USP31: variants seen among roughly 807,000 people sequenced by gnomAD.
USP31 encodes the protein ubiquitin specific peptidase 31.
USP31 carries 44 observed loss-of-function variants against 119.4 expected under a neutral mutation model. That is an observed-to-expected ratio of 0.37 (90% CI 0.29 to 0.47). USP31 has a LOEUF of 0.47. Among genes scored for constraint, USP31 ranks in the 20% least tolerant of loss-of-function variants. The pLI is 0.99. For synonymous variants in USP31, 749 were observed against 705.6 expected, an observed-to-expected ratio of 1.06 and a Z score of -0.97; for missense variants, 1,643 against 1,730.2, an observed-to-expected ratio of 0.95 and a Z score of 0.89.
intron 6 of USP31, among the ~76,000 whole-genome samples, chr16:23,091,022 A>G (rs1901340541): frequency 6.6e-6 from 1 of 152,220 alleles, no homozygotes; most frequent in Non-Finnish European, 1.5e-5. Flanking sequence ...AGCCTTACCT[A>G]TCTTAAAAAC....
chr16:23,068,218 TTG>T lies in USP31; in HGVS notation c.3885_3886del (p.Lys1296GlyfsTer44). 6.2e-7 allele frequency: 1 copy of T among 1,614,176 alleles called. No homozygotes were observed. Among genetic ancestry groups the T allele is most frequent in the Non-Finnish European group, 8.5e-7 (1 of 1,180,028 alleles). On this transcript the variant is annotated frameshift_variant, in exon 16 of 16. Coordinates refer to ENST00000219689, the MANE Select transcript of USP31 (RefSeq NM_020718.4). LOFTEE classifies it high-confidence loss of function. The stretch of plus-strand genomic sequence containing the variant: ...GGAATGTTTGGCAGAAGCAGGGTCC[TTG>T]GTGACAAGCTGCTCTTTTCCCGTTG...
In USP31 at chr16:23,111,144, A is replaced by T. The variant is rs545756434; in HGVS notation, c.634-2961T>A. On this transcript the variant is annotated intron_variant, in intron 1 of 15. Transcript: ENST00000219689. ...CTCCGTCTCAAAAATAAATAAATAA[A>T]TAATTAATTAAATAAAAATAAAAAA... Among the ~76,000 whole-genome samples the T allele has an allele frequency of 1.4e-3, 217 of 152,164 alleles. 1 individual carries two copies. Among genetic ancestry groups the T allele is most frequent in the Admixed American group, 4.5e-3 (68 of 15,276 alleles).
chr16:23,124,519 G>A (rs145518802), intron 1 of USP31, among the ~76,000 whole-genome samples: 176 of 152,278 alleles, frequency 1.2e-3, no homozygotes, highest in Admixed American at 4.4e-3. Flanking sequence ...ACTCGTCAGT[G>A]AGTCATCCAG....
intron 1 of USP31, among the ~76,000 whole-genome samples, chr16:23,137,928 G>A (rs1903242787): frequency 6.6e-6 from 1 of 152,128 alleles, no homozygotes; most frequent in African/African-American, 2.4e-5. Flanking sequence ...TGTAAAAAAT[G>A]TTTTACAAGT....
intron 1 of USP31, among the ~76,000 whole-genome samples, chr16:23,140,274 G>A (rs1903315977): frequency 6.6e-6 from 1 of 152,112 alleles, no homozygotes; most frequent in African/African-American, 2.4e-5. Flanking sequence ...TTCCAAATCA[G>A]TGGTTCTCAA....
intron 1 of USP31, among the ~76,000 whole-genome samples, chr16:23,132,875 G>A (rs1401817600): frequency 1.3e-5 from 2 of 151,984 alleles, no homozygotes; most frequent in East Asian, 1.9e-4. Flanking sequence ...AAACCTCTAC[G>A]TTATTTTCAT....
In USP31 at chr16:23,096,162, T is replaced by C. The variant is rs1038669666; in HGVS notation, c.1235-5358A>G. 4.7e-5 allele frequency among the ~76,000 whole-genome samples: 7 copies of C among 150,216 alleles called. 1 individual carries two copies. The highest frequency in any genetic ancestry group is 3.2e-3 in the Middle Eastern group (1 of 316). On this transcript the variant is annotated intron_variant, in intron 6 of 15. Coordinates refer to ENST00000219689, the MANE Select transcript of USP31 (RefSeq NM_020718.4). The stretch of plus-strand genomic sequence containing the variant: ...GATGGAGGAAGATCTACCAAGCAAA[T>C]GAAAAGCAAAAAAAAAGCAGGGGTT...
At chr16:23,076,331 TCATTC>T (rs1028993806) in intron 13 of USP31, among the ~76,000 whole-genome samples, 1 of 152,046 alleles carries the variant, frequency 6.6e-6, no homozygotes, top group African/African-American at 2.4e-5. Context: ...AGAGTATCTT[TCATTC>T]AACAATGCGA....
At chr16:23,142,473 T>C (rs1903380328) in intron 1 of USP31, among the ~76,000 whole-genome samples, 1 of 152,106 alleles carries the variant, frequency 6.6e-6, no homozygotes, top group African/African-American at 2.4e-5. Context: ...CCCATGTACG[T>C]GTTATGTTGA....
chr16:23,090,860 C>A, intron 6 of USP31, 56 bp from the exon 7 acceptor site: 1 of 1,370,840 alleles, frequency 7.3e-7, no homozygotes, highest in East Asian at 2.5e-5. Flanking sequence ...TTTATTCACT[C>A]GTTATGAAGA....
chr16:23,105,621 A>G (rs958155148), intron 4 of USP31, 45 bp from the exon 5 acceptor site: 2 of 1,485,966 alleles, frequency 1.3e-6, no homozygotes, highest in Non-Finnish European at 1.8e-6. Flanking sequence ...ACTTATTTCA[A>G]CTAAAATATA....
intron 11 of USP31, among the ~76,000 whole-genome samples, chr16:23,084,412 T>C (rs1261562116): frequency 6.6e-6 from 1 of 152,224 alleles, no homozygotes; most frequent in Non-Finnish European, 1.5e-5. Context: ...ACTTGAAACA[T>C]GACTAATGCA....
chr16:23,085,105 A>C, intron 10 of USP31, 116 bp from the exon 11 acceptor site: 1 of 1,423,458 alleles, frequency 7.0e-7, no homozygotes, highest in East Asian at 2.3e-5. Context: ...AAAAAAATCA[A>C]TGTGTAAGAA....
chr16:23,105,648 C>A, intron 4 of USP31, 72 bp from the exon 5 acceptor site: 1 of 1,408,732 alleles, frequency 7.1e-7, no homozygotes, highest in East Asian at 2.6e-5. Flanking sequence ...GCAAAATAAA[C>A]CTGAGACGAA....
chr16:23,147,063 A>G (rs564685891), intron 1 of USP31, among the ~76,000 whole-genome samples: 26 of 144,536 alleles, frequency 1.8e-4, no homozygotes, highest in Middle Eastern at 3.6e-3. Context: ...TTAGGATAGG[A>G]AAAAAAAAAA....
intron 12 of USP31, among the ~76,000 whole-genome samples, chr16:23,081,700 T>A (rs146638289): frequency 1.1e-4 from 16 of 152,320 alleles, no homozygotes; most frequent in Non-Finnish European, 2.4e-4. Flanking sequence ...ACAACCAGCA[T>A]CCACCCACGT....
chr16:23,081,881 C>T (rs1030635496), intron 12 of USP31, among the ~76,000 whole-genome samples: 1 of 152,222 alleles, frequency 6.6e-6, no homozygotes, highest in Non-Finnish European at 1.5e-5. Context: ...AAAGCTTGCT[C>T]ATCTTTCAGA....
intron 1 of USP31, among the ~76,000 whole-genome samples, chr16:23,139,715 C>T (rs1903298348): frequency 1.3e-5 from 2 of 152,146 alleles, no homozygotes; most frequent in East Asian, 3.8e-4. Flanking sequence ...ACCTGATTTC[C>T]AACTGTCTAT....
At chr16:23,133,884 T>C (rs1188501867) in intron 1 of USP31, among the ~76,000 whole-genome samples, 3 of 152,152 alleles carry the variant, frequency 2.0e-5, no homozygotes, top group Non-Finnish European at 4.4e-5. Context: ...AAGGCCAGCC[T>C]GGGCAACATG....
Sources: allele counts gnomAD v4.1 joint callset (sites outside exome capture counted in the v4.1 genomes callset), GRCh38; gene constraint gnomAD v4.1.1; transcripts MANE v1.5; gene names NCBI Gene and HGNC (gene_info 2026-07-23, HGNC 2026-07-21).